TBL1XR1: variants seen among roughly 807,000 people sequenced by gnomAD.
The protein encoded by TBL1XR1 is F-box-like/WD repeat-containing protein TBL1XR1.
Under a neutral mutation model 66.9 loss-of-function variants are expected in TBL1XR1, and 5 were observed. The observed-to-expected ratio is 0.07, with a 90% CI of 0.04 to 0.16. TBL1XR1 has a LOEUF of 0.16. Ranked by LOEUF, TBL1XR1 falls within the 10% of genes least tolerant of loss-of-function variation. The pLI is 1.00. For missense variants in TBL1XR1, 238 were observed against 623.2 expected (o/e 0.38, Z 6.58); for synonymous variants, 210 against 206.0 (o/e 1.02, Z -0.17).
intron 1 of TBL1XR1, among the ~76,000 whole-genome samples, chr3:177,173,344 G>A (rs1733788799): frequency 6.6e-6 from 1 of 152,164 alleles, no homozygotes; most frequent in Admixed American, 6.6e-5. Context: ...CTTCTAATGA[G>A]CAGGTTGAGA....
intron 3 of TBL1XR1, among the ~76,000 whole-genome samples, chr3:177,062,673 TCTA>T (rs1472820296): frequency 6.6e-6 from 1 of 152,224 alleles, no homozygotes; most frequent in East Asian, 1.9e-4. Context: ...TCTAAAACTT[TCTA>T]AAGAATACAC....
At chr3:177,150,940 A>G (rs1347291947) in intron 1 of TBL1XR1, among the ~76,000 whole-genome samples, 4 of 152,250 alleles carry the variant, frequency 2.6e-5, no homozygotes, top group African/African-American at 9.6e-5. Flanking sequence ...TTGGAAGGTG[A>G]GTTGTTCAAA....
intron 3 of TBL1XR1, among the ~76,000 whole-genome samples, chr3:177,055,053 T>C (rs1577039020): frequency 6.6e-6 from 1 of 152,204 alleles, no homozygotes; most frequent in East Asian, 1.9e-4. Flanking sequence ...ACAAGTAATA[T>C]AGAATATTAA....
intron 1 of TBL1XR1, among the ~76,000 whole-genome samples, chr3:177,180,985 G>A (rs1395450203): frequency 4.6e-5 from 7 of 151,596 alleles, no homozygotes; most frequent in Admixed American, 3.3e-4. Flanking sequence ...CACCCACCTC[G>A]GCCTACCACC....
At chr3:177,104,886 T>G (rs1724680957) in intron 1 of TBL1XR1, among the ~76,000 whole-genome samples, 1 of 152,192 alleles carries the variant, frequency 6.6e-6, no homozygotes, top group South Asian at 2.1e-4. Flanking sequence ...ATTTCTAAAT[T>G]TTTCTGTCAC....
At chr3:177,109,567 T>A (rs987251808) in intron 1 of TBL1XR1, among the ~76,000 whole-genome samples, 1 of 152,064 alleles carries the variant, frequency 6.6e-6, no homozygotes, top group Non-Finnish European at 1.5e-5. Flanking sequence ...ATTGTTAACA[T>A]TAAAAGTTAG....
At chr3:177,070,198 A>G (rs1275150093) in intron 2 of TBL1XR1, among the ~76,000 whole-genome samples, 1 of 152,182 alleles carries the variant, frequency 6.6e-6, no homozygotes, top group Non-Finnish European at 1.5e-5. Context: ...CATTAGCTAC[A>G]AATTTATTTC....
intron 3 of TBL1XR1, among the ~76,000 whole-genome samples, chr3:177,063,214 T>G (rs1008158990): frequency 6.6e-6 from 1 of 152,244 alleles, no homozygotes; most frequent in Admixed American, 6.5e-5. Context: ...TCCTTTTTAC[T>G]GTTTTCTTAC....
Position 177,047,558 on chromosome 3 carries a change from G to T in TBL1XR1, c.703-9C>A. The T allele has an allele frequency of 6.2e-7, 1 of 1,611,396 alleles. No individual in the cohort carries two copies. Among genetic ancestry groups the T allele is most frequent in the Non-Finnish European group, 8.5e-7 (1 of 1,178,490 alleles). On this transcript the variant is annotated splice_polypyrimidine_tract_variant and intron_variant, in intron 7 of 15. Transcript: ENST00000457928. Reference sequence around the variant, plus strand: ...AGAAGTGTACCTTCACTCTGCCAGAGAAAAACATTTCTTTAATTATATAAT... The same window carrying T: ...AGAAGTGTACCTTCACTCTGCCAGATAAAAACATTTCTTTAATTATATAAT...
At chr3:177,131,663 G>A (rs374343640) in intron 1 of TBL1XR1, among the ~76,000 whole-genome samples, 117 of 151,874 alleles carry the variant, frequency 7.7e-4, no homozygotes, top group African/African-American at 2.8e-3. Flanking sequence ...CACCATGCCC[G>A]GCTAATTTTT....
intron 10 of TBL1XR1, among the ~76,000 whole-genome samples, chr3:177,039,937 G>C (rs1340736505): frequency 6.6e-6 from 1 of 152,174 alleles, no homozygotes; most frequent in Non-Finnish European, 1.5e-5. Flanking sequence ...TGGCAACTGA[G>C]ATCTTATGGC....
At chr3:177,149,688 A>C (rs1166409296) in intron 1 of TBL1XR1, among the ~76,000 whole-genome samples, 3 of 152,156 alleles carry the variant, frequency 2.0e-5, no homozygotes. Context: ...ATAAGCTAAG[A>C]ATAATTTTTA....
At position 177,068,157 on chromosome 3, in the gene TBL1XR1, G is replaced by C. The variant is rs187177220; in HGVS notation, c.-45-3135C>G. 7.2e-5 allele frequency among the ~76,000 whole-genome samples: 11 copies of C among 152,248 alleles called. No individual in the cohort carries two copies. The East Asian group carries it at 2.1e-3, about 29-fold the overall frequency. On this transcript the variant is annotated intron_variant, in intron 2 of 15. Transcript: ENST00000457928. The stretch of plus-strand genomic sequence containing the variant: ...TTAAATAAACAGGATATTCAAAATA[G>C]ACACTTCCTAAATTCACAAAGGATT...
chr3:177,157,036 G>C (rs1454871154), intron 1 of TBL1XR1, among the ~76,000 whole-genome samples: 1 of 152,126 alleles, frequency 6.6e-6, no homozygotes, highest in Middle Eastern at 3.2e-3. Flanking sequence ...TAAAATGAAG[G>C]TGTAAACAGG....
chr3:177,160,144 G>A (rs1464105736), intron 1 of TBL1XR1, among the ~76,000 whole-genome samples: 1 of 152,058 alleles, frequency 6.6e-6, no homozygotes, highest in Admixed American at 6.6e-5. Context: ...AAGAGCTGTT[G>A]GAGGCCTTGT....
At chr3:177,028,143 T>C (rs940150448) in intron 14 of TBL1XR1, among the ~76,000 whole-genome samples, 1 of 152,168 alleles carries the variant, frequency 6.6e-6, no homozygotes, top group Admixed American at 6.5e-5. Context: ...TTTGTATGTA[T>C]GCTGGCACAA....
chr3:177,058,360 T>G lies in TBL1XR1; in HGVS notation c.59-4442A>C, dbSNP rs191123633. On this transcript the variant is annotated intron_variant, in intron 3 of 15. Coordinates refer to ENST00000457928, the MANE Select transcript of TBL1XR1 (RefSeq NM_024665.7). ...AAATGACACAGGGGATCTTTGTTAT[T>G]GAAGAGCTAGATCTAGTACTGATAC... is the stretch of plus-strand genomic sequence containing the variant. Among the ~76,000 whole-genome samples the G allele has an allele frequency of 1.7e-4, 26 of 152,342 alleles. No homozygotes were observed. In the East Asian group the frequency reaches 4.4e-3, roughly 26 times the overall value.
intron 12 of TBL1XR1, among the ~76,000 whole-genome samples, chr3:177,035,770 T>C (rs1576987376): frequency 2.0e-5 from 3 of 152,248 alleles, no homozygotes; most frequent in Middle Eastern, 3.4e-3. Flanking sequence ...ATGAATAAAG[T>C]ACACTAACAC....
At chr3:177,038,282 A>C in intron 11 of TBL1XR1, 31 bp downstream of exon 11, 1 of 1,594,364 alleles carries the variant, frequency 6.3e-7, no homozygotes, top group Non-Finnish European at 8.6e-7. Flanking sequence ...GTTAATCATG[A>C]CCACTTTAAT....
Sources: gnomAD v4.1 joint callset for allele counts (sites outside exome capture counted in the v4.1 genomes callset) on GRCh38, gnomAD v4.1.1 for gene constraint, MANE v1.5 for transcripts, NCBI Gene and HGNC (gene_info 2026-07-23, HGNC 2026-07-21) for gene names.